GET1: variants seen among roughly 807,000 people sequenced by gnomAD.
The protein encoded by GET1 is congenital heart disease 5 protein.
Under a neutral mutation model 22.6 loss-of-function variants are expected in GET1, and 20 were observed. That is an observed-to-expected ratio of 0.89 (90% CI 0.62 to 1.29). The LOEUF (loss-of-function observed/expected upper bound fraction) is 1.29, where lower values mean the gene tolerates loss of function less well. GET1 is among the 50% of genes most tolerant of loss of function. GET1 has a pLI of 0.00. For missense variants in GET1, 209 were observed against 219.9 expected (o/e 0.95, Z 0.31); for synonymous variants, 92 against 83.8 (o/e 1.10, Z -0.53).
At chr21:39,381,078 T>A (rs879448584) in intron 1 of GET1, among the ~76,000 whole-genome samples, 5 of 152,114 alleles carry the variant, frequency 3.3e-5, no homozygotes, top group Non-Finnish European at 7.4e-5. Context: ...AGTATTATCA[T>A]CCCACCCTCC....
intron 4 of GET1, among the ~76,000 whole-genome samples, chr21:39,404,981 G>A (rs1390468249): frequency 6.6e-6 from 1 of 151,326 alleles, no homozygotes; most frequent in African/African-American, 2.4e-5. Context: ...ACAGGCATGT[G>A]CCACCACACC....
At chr21:39,391,008 A>G (rs2038262551) in intron 2 of GET1, 145 bp downstream of exon 2, 9 of 859,322 alleles carry the variant, frequency 1.0e-5, no homozygotes, top group East Asian at 2.7e-5. Context: ...AAACTCAGTA[A>G]TAAGTATTAC....
chr21:39,409,753 C>T (rs547795276), downstream of GET1, among the ~76,000 whole-genome samples: 3 of 152,180 alleles, frequency 2.0e-5, no homozygotes, highest in East Asian at 1.9e-4. This position sits in a 1 kb window ranked among gnomAD's most constrained non-coding sequence, Gnocchi z 4.2. Flanking sequence ...CCGCCATGTG[C>T]GGTTAAGTTT....
At chr21:39,427,475 A>T (rs536023690) in intron 1 of GET1, among the ~76,000 whole-genome samples, 3 of 152,198 alleles carry the variant, frequency 2.0e-5, no homozygotes, top group Admixed American at 6.5e-5. Context: ...ATCCTGGCTA[A>T]CACGGTGAAA....
chr21:39,393,807 G>C (rs2038464937), intron 4 of GET1, among the ~76,000 whole-genome samples: 1 of 151,790 alleles, frequency 6.6e-6, no homozygotes, highest in African/African-American at 2.4e-5. Context: ...GCACTACCAC[G>C]CCCAGCTAAT....
At chr21:39,396,378 A>G (rs2038647274) in intron 4 of GET1, among the ~76,000 whole-genome samples, 1 of 151,808 alleles carries the variant, frequency 6.6e-6, no homozygotes, top group Admixed American at 6.6e-5. Context: ...AATACAAAAA[A>G]TTAGCCGGGT....
At chr21:39,410,283 A>G, downstream of GET1, 3 of 1,606,250 alleles carry the variant, frequency 1.9e-6, no homozygotes, top group Non-Finnish European at 2.6e-6. Context: ...CAAAGGTGGA[A>G]CATCTGATTT....
intron 1 of GET1, among the ~76,000 whole-genome samples, chr21:39,412,148 A>G (rs761834220): frequency 6.6e-6 from 1 of 152,226 alleles, no homozygotes; most frequent in Non-Finnish European, 1.5e-5. Context: ...TTTCATTTAA[A>G]TGAAAGTAAA....
At chr21:39,392,196 A>T (rs756810024) in intron 3 of GET1, 2 of 223,794 alleles carry the variant, frequency 8.9e-6, no homozygotes, top group Non-Finnish European at 1.7e-5. Context: ...TTTGGCCCTT[A>T]CTTGTTACCT....
chr21:39,394,027 T>G (rs908201995), intron 4 of GET1, among the ~76,000 whole-genome samples: 1 of 152,202 alleles, frequency 6.6e-6, no homozygotes, highest in Non-Finnish European at 1.5e-5. Context: ...ATTAGAAATA[T>G]AGCTATCAAT....
At chr21:39,401,716 G>A (rs1001584994), downstream of GET1, among the ~76,000 whole-genome samples, 4 of 152,242 alleles carry the variant, frequency 2.6e-5, no homozygotes, top group Admixed American at 6.5e-5. Flanking sequence ...GTCTGTCAGC[G>A]CCGTTTATCC....
chr21:39,424,968 G>C (rs770458524), intron 1 of GET1, among the ~76,000 whole-genome samples: 1 of 152,210 alleles, frequency 6.6e-6, no homozygotes, highest in South Asian at 2.1e-4. Context: ...ACACAGCTAG[G>C]AAGTGGTGAG....
chr21:39,408,405 C>G (rs1488515840), downstream of GET1, among the ~76,000 whole-genome samples: 2 of 152,104 alleles, frequency 1.3e-5, no homozygotes, highest in African/African-American at 4.8e-5. Flanking sequence ...AGAGAAGATC[C>G]AGTAGAGAAG....
intron 1 of GET1, among the ~76,000 whole-genome samples, chr21:39,390,415 G>A (rs146034662): frequency 5.9e-5 from 9 of 152,322 alleles, no homozygotes; most frequent in African/African-American, 1.9e-4. Context: ...CCGGGGGTTG[G>A]GGTATGGAGT....
At chr21:39,420,909 T>C in intron 1 of GET1, 1 of 1,211,624 alleles carries the variant, frequency 8.3e-7, no homozygotes, top group Non-Finnish European at 1.2e-6. Flanking sequence ...TCAATTATCA[T>C]GGAACTAACT....
At chr21:39,404,941 C>G (rs986328910) in intron 4 of GET1, among the ~76,000 whole-genome samples, 6 of 151,038 alleles carry the variant, frequency 4.0e-5, no homozygotes, top group African/African-American at 1.5e-4. Flanking sequence ...CAGCGATTCT[C>G]CTGCCTCAGC....
chr21:39,410,966 G>A (rs572087317), downstream of GET1: 85 of 469,620 alleles, frequency 1.8e-4, no homozygotes, highest in South Asian at 1.3e-3. Context: ...CTTCTGAGTC[G>A]AATCTGTTGC....
Position 39,391,685 on chromosome 21 carries a change from A to G in GET1, c.269-84A>G, listed in dbSNP as rs552178635. 23 of 1,305,356 alleles carry G rather than the reference A, an allele frequency of 1.8e-5. No homozygotes were observed. The African/African-American group carries it at 3.1e-4, about 17-fold the overall frequency. 80.9% of individuals were successfully genotyped at this position (1,305,356 alleles called of 1,614,324 possible). On this transcript the variant is annotated intron_variant, in intron 2 of 4. Coordinates refer to ENST00000649170, the MANE Select transcript of GET1 (RefSeq NM_004627.6). ...ATTTATAATCAGAAAGTGTATTATA[A>G]GGGAAAATAACATTTCTGTGTATTT...
downstream of GET1, among the ~76,000 whole-genome samples, chr21:39,402,794 T>C (rs762281178): frequency 7.1e-4 from 108 of 152,148 alleles, no homozygotes; most frequent in Non-Finnish European, 1.3e-3. Flanking sequence ...ATAGCAAACA[T>C]GCGAAAGAAA....
Sources: allele counts gnomAD v4.1 joint callset (sites outside exome capture counted in the v4.1 genomes callset), GRCh38; gene constraint gnomAD v4.1.1; non-coding constraint Gnocchi (gnomAD v3.1); transcripts MANE v1.5; gene names NCBI Gene and HGNC (gene_info 2026-07-23, HGNC 2026-07-21).